The following NLGN1 variants were observed in gnomAD, a reference collection of about 807,000 sequenced individuals.
The protein encoded by NLGN1 is neuroligin 1, also known as neuroligin-1.
A neutral mutation model predicts 65.5 loss-of-function variants in NLGN1; 12 were observed. The ratio of observed to expected loss-of-function variants is 0.18; its 90% CI spans 0.12 to 0.30. The LOEUF (loss-of-function observed/expected upper bound fraction) is 0.30, where lower values mean the gene tolerates loss of function less well. Ranked by LOEUF, NLGN1 falls within the 10% of genes least tolerant of loss-of-function variation. The pLI is 1.00. For synonymous variants in NLGN1, 350 were observed against 359.5 expected, an observed-to-expected ratio of 0.97 and a Z score of 0.30; for missense variants, 750 against 1,007.1, an observed-to-expected ratio of 0.74 and a Z score of 3.46.
rs1416460246 is a variant in NLGN1, at chr3:173,621,594, G to A, written c.493+16503G>A. ...TGGGAAGAGTAGAGAATTAATTACA[G>A]GAAAGGAGACTAGATATGGGGTAAT... On this transcript the variant is annotated intron_variant, in intron 3 of 6. Transcript: ENST00000457714. 2.0e-5 allele frequency among the ~76,000 whole-genome samples: 3 copies of A among 152,138 alleles called. No homozygotes were observed. In the East Asian group the frequency reaches 5.8e-4, roughly 29 times the overall value.
chr3:173,746,091 C>T (rs1775317244), intron 3 of NLGN1, among the ~76,000 whole-genome samples: 1 of 151,900 alleles, frequency 6.6e-6, no homozygotes, highest in Non-Finnish European at 1.5e-5. Flanking sequence ...GCTTGTTTTC[C>T]TGGTTCCTAG....
At chr3:173,528,633 T>G (rs1736047857) in intron 2 of NLGN1, among the ~76,000 whole-genome samples, 1 of 152,206 alleles carries the variant, frequency 6.6e-6, no homozygotes, top group Admixed American at 6.5e-5. Context: ...CTTTGTTTAT[T>G]TTTTAAAACA....
intron 3 of NLGN1, among the ~76,000 whole-genome samples, chr3:173,749,447 C>A (rs1023897132): frequency 6.6e-6 from 1 of 151,966 alleles, no homozygotes; most frequent in Non-Finnish European, 1.5e-5. Flanking sequence ...ATATAATAAG[C>A]ATTTTTTGTT....
chr3:174,252,624 G>A (rs536977306), intron 4 of NLGN1, among the ~76,000 whole-genome samples: 1 of 151,956 alleles, frequency 6.6e-6, no homozygotes, highest in East Asian at 1.9e-4. Flanking sequence ...AAAATTATAT[G>A]GTCACACTAG....
chr3:174,139,572 T>C (rs1006267085), intron 4 of NLGN1, among the ~76,000 whole-genome samples: 2 of 152,176 alleles, frequency 1.3e-5, no homozygotes, highest in African/African-American at 4.8e-5. Context: ...AAAGATACTA[T>C]ATCTCAGTGC....
At position 173,437,677 on chromosome 3, in the gene NLGN1, T is replaced by C. The variant is rs557863478; in HGVS notation, c.-321+2599T>C. 5.9e-5 allele frequency among the ~76,000 whole-genome samples: 9 copies of C among 152,282 alleles called. 1 individual carries two copies. Among genetic ancestry groups the C allele is most frequent in the African/African-American group, 2.2e-4 (9 of 41,574 alleles). On this transcript the variant is annotated intron_variant, in intron 2 of 6. Transcript: ENST00000457714. ...AAATCTTGCCTCCAGACTACAAACA[T>C]GCCAAGTATCGTGCATCGTGTGTTG...
chr3:174,032,716 C>T (rs1730280227), intron 4 of NLGN1, among the ~76,000 whole-genome samples: 1 of 152,096 alleles, frequency 6.6e-6, no homozygotes, highest in Non-Finnish European at 1.5e-5. Flanking sequence ...CTTGTGCCCC[C>T]AGCAGAGGAA....
chr3:174,065,796 C>G (rs567943012), intron 4 of NLGN1, among the ~76,000 whole-genome samples: 2 of 152,010 alleles, frequency 1.3e-5, no homozygotes, highest in African/African-American at 2.4e-5. Flanking sequence ...GTGAGGAAGA[C>G]AGCCACCATG....
intron 1 of NLGN1, among the ~76,000 whole-genome samples, chr3:173,406,132 T>C (rs947510480): frequency 6.6e-6 from 1 of 152,190 alleles, no homozygotes; most frequent in Non-Finnish European, 1.5e-5. Flanking sequence ...TGTTAAGCAA[T>C]GCAGAAGATT....
chr3:173,641,917 G>A (rs1032344372), intron 3 of NLGN1, among the ~76,000 whole-genome samples: 7 of 152,022 alleles, frequency 4.6e-5, no homozygotes, highest in Admixed American at 2.6e-4. Flanking sequence ...GTGCAACAGA[G>A]ACCATATGGC....
intron 4 of NLGN1, among the ~76,000 whole-genome samples, chr3:173,849,757 CATAA>C (rs1726529590): frequency 6.6e-6 from 1 of 152,056 alleles, no homozygotes; most frequent in African/African-American, 2.4e-5. Flanking sequence ...TGAGGCTCTT[CATAA>C]ATAAAATTAT....
At chr3:173,702,801 T>G (rs545188225) in intron 3 of NLGN1, among the ~76,000 whole-genome samples, 14 of 152,314 alleles carry the variant, frequency 9.2e-5, no homozygotes, top group African/African-American at 3.1e-4. Flanking sequence ...AAAAAAAGAC[T>G]CCTCCGCTTC....
chr3:173,479,452 G>C (rs1726863678), intron 2 of NLGN1, among the ~76,000 whole-genome samples: 1 of 152,218 alleles, frequency 6.6e-6, no homozygotes, highest in African/African-American at 2.4e-5. Flanking sequence ...AAGGAGCCTA[G>C]TTATCACAAT....
chr3:173,536,131 TG>T (rs1389286173), intron 2 of NLGN1, among the ~76,000 whole-genome samples: 5 of 152,180 alleles, frequency 3.3e-5, no homozygotes, highest in African/African-American at 4.8e-5. Context: ...CCTTTTCTGA[TG>T]ATTCCTGTCT....
At chr3:174,005,053 GA>G (rs955890778) in intron 4 of NLGN1, among the ~76,000 whole-genome samples, 5 of 152,076 alleles carry the variant, frequency 3.3e-5, no homozygotes, top group African/African-American at 1.2e-4. Flanking sequence ...AAAATAAAAT[GA>G]AGATTTCTTC....
chr3:173,489,372 A>G (rs910581617), intron 2 of NLGN1, among the ~76,000 whole-genome samples: 2 of 151,966 alleles, frequency 1.3e-5, no homozygotes, highest in Non-Finnish European at 2.9e-5. Flanking sequence ...GCTGAGAATG[A>G]TGGTTTCCAG....
chr3:173,747,157 GTGTC>G (rs1488381682), intron 3 of NLGN1, among the ~76,000 whole-genome samples: 1 of 148,130 alleles, frequency 6.8e-6, no homozygotes, highest in Non-Finnish European at 1.5e-5. Context: ...GTATATATGT[GTGTC>G]TGTTTTTGAG....
chr3:173,569,495 A>T (rs1227075257), intron 2 of NLGN1, among the ~76,000 whole-genome samples: 2 of 151,874 alleles, frequency 1.3e-5, no homozygotes, highest in African/African-American at 2.4e-5. Context: ...TTTTCTTAAA[A>T]CAGTAGTCCC....
intron 3 of NLGN1, among the ~76,000 whole-genome samples, chr3:173,782,558 T>C (rs1397273939): frequency 1.3e-5 from 2 of 152,188 alleles, no homozygotes; most frequent in Non-Finnish European, 2.9e-5. Context: ...TTATGGACTT[T>C]TGCTCTTGGG....
Sources: gnomAD v4.1 joint callset for allele counts (sites outside exome capture counted in the v4.1 genomes callset) on GRCh38, gnomAD v4.1.1 for gene constraint, MANE v1.5 for transcripts, NCBI Gene and HGNC (gene_info 2026-07-23, HGNC 2026-07-21) for gene names.